Variants in GGH observed in about 807,000 individuals in gnomAD.
GGH encodes the protein gamma-glutamyl hydrolase, also known as gamma-Glu-X carboxypeptidase.
A neutral mutation model predicts 39.2 loss-of-function variants in GGH; 18 were observed. The observed-to-expected ratio is 0.46, with a 90% confidence interval of 0.32 to 0.68. The LOEUF (loss-of-function observed/expected upper bound fraction) is 0.68, where lower values mean the gene tolerates loss of function less well. Ranked by LOEUF, GGH falls within the 30% of genes least tolerant of loss-of-function variation. The probability of loss-of-function intolerance (pLI) is 0.04; values close to 1 mark genes in which losing one functional copy is unlikely to be tolerated. For missense variants in GGH, 367 were observed against 384.1 expected, an observed-to-expected ratio of 0.96 and a Z score of 0.37; for synonymous variants, 147 against 138.8, an observed-to-expected ratio of 1.06 and a Z score of -0.42.
intron 7 of GGH, 137 bp downstream of exon 7, chr8:63,023,770 T>G: frequency 1.9e-6 from 1 of 515,872 alleles, no homozygotes; most frequent in Non-Finnish European, 3.1e-6. Flanking sequence ...GGACAAAACA[T>G]GTCTCCTGTC....
intron 1 of GGH, among the ~76,000 whole-genome samples, chr8:63,037,725 C>T (rs1262157168): frequency 6.6e-6 from 1 of 152,112 alleles, no homozygotes. Flanking sequence ...CTTCTCTGGA[C>T]ACACAATATG....
At chr8:63,031,099 T>C (rs982683514) in intron 2 of GGH, among the ~76,000 whole-genome samples, 3 of 152,174 alleles carry the variant, frequency 2.0e-5, no homozygotes, top group Non-Finnish European at 4.4e-5. Context: ...CTAAAAGAAG[T>C]AGACTTATGA....
At chr8:63,035,853 A>G (rs1563671743) in intron 1 of GGH, 83 bp from the exon 2 acceptor site, 1 of 1,176,610 alleles carries the variant, frequency 8.5e-7, no homozygotes, top group Non-Finnish European at 1.2e-6. Flanking sequence ...CAAAAATATC[A>G]TATTTTATTA....
intron 2 of GGH, among the ~76,000 whole-genome samples, chr8:63,032,194 CA>C (rs1554603315): frequency 6.6e-6 from 1 of 151,924 alleles, no homozygotes; most frequent in Non-Finnish European, 1.5e-5. Context: ...CCACCACTCC[CA>C]GCTCATTTTT....
At chr8:63,032,274 G>C (rs867180241) in intron 2 of GGH, among the ~76,000 whole-genome samples, 7 of 152,182 alleles carry the variant, frequency 4.6e-5, no homozygotes, top group Non-Finnish European at 2.9e-5. Flanking sequence ...GAACTTAAGC[G>C]ATCTTCCCAC....
intron 7 of GGH, among the ~76,000 whole-genome samples, chr8:63,022,686 T>C (rs1350134645): frequency 6.6e-6 from 1 of 151,694 alleles, no homozygotes; most frequent in Non-Finnish European, 1.5e-5. Context: ...AGCTTTTTTT[T>C]TTTTTCTTTT....
At chr8:63,029,951 T>C (rs1804772865) in intron 3 of GGH, 2 of 372,926 alleles carry the variant, frequency 5.4e-6, no homozygotes, top group East Asian at 4.1e-5. Context: ...GTCTACTATG[T>C]AACAATTATA....
At chr8:63,028,832 T>C (rs899316247) in intron 3 of GGH, among the ~76,000 whole-genome samples, 1 of 152,186 alleles carries the variant, frequency 6.6e-6, no homozygotes, top group Admixed American at 6.5e-5. Flanking sequence ...TTGATTCAGA[T>C]TCCTCTCCAA....
chr8:63,016,974 A>C (rs1402354618), intron 8 of GGH, among the ~76,000 whole-genome samples: 1 of 152,174 alleles, frequency 6.6e-6, no homozygotes, highest in Non-Finnish European at 1.5e-5. Context: ...CACTGTTAGA[A>C]TTAAAGCATT....
intron 4 of GGH, chr8:63,026,860 C>T: frequency 3.7e-6 from 1 of 271,658 alleles, no homozygotes; most frequent in East Asian, 1.1e-4. Context: ...GAATTAATAA[C>T]ATAGAAACAA....
At chr8:63,033,579 T>C (rs1804844325) in intron 2 of GGH, among the ~76,000 whole-genome samples, 1 of 152,228 alleles carries the variant, frequency 6.6e-6, no homozygotes, top group Admixed American at 6.5e-5. Context: ...TAGCATTAGT[T>C]GTAATGTCTC....
rs117296547 is a variant in GGH, at chr8:63,019,671, C to T, written c.698-2041G>A. Among the ~76,000 whole-genome samples the T allele has an allele frequency of 2.0e-3, 311 of 152,324 alleles. 2 individuals carry two copies. Among genetic ancestry groups the T allele is most frequent in the Non-Finnish European group, 3.5e-3 (236 of 68,028 alleles). ...GAGAACCAAAGAACAGTAACGTTTGCTTTTTATGTGTTTTCAGAAAGTCAG... is the reference window on the plus strand; with the variant it reads ...GAGAACCAAAGAACAGTAACGTTTGTTTTTTATGTGTTTTCAGAAAGTCAG... On this transcript the variant is annotated intron_variant, in intron 7 of 8. Coordinates refer to ENST00000260118, the MANE Select transcript of GGH (RefSeq NM_003878.3).
At chr8:63,032,127 G>A (rs1027469718) in intron 2 of GGH, among the ~76,000 whole-genome samples, 12 of 152,100 alleles carry the variant, frequency 7.9e-5, no homozygotes, top group African/African-American at 2.9e-4. Context: ...TCCACCTCCT[G>A]GGCTCAAGTG....
chr8:63,020,012 T>C (rs1243941849), intron 7 of GGH, among the ~76,000 whole-genome samples: 3 of 152,252 alleles, frequency 2.0e-5, no homozygotes, highest in Non-Finnish European at 4.4e-5. Context: ...TGTCTTAAAC[T>C]TGATAGAGCT....
chr8:63,017,091 C>T (rs1319879481), intron 8 of GGH, among the ~76,000 whole-genome samples: 2 of 151,762 alleles, frequency 1.3e-5, no homozygotes, highest in African/African-American at 2.4e-5. Flanking sequence ...CTCAGGATGC[C>T]GAGGCAGGAG....
chr8:63,036,806 G>A (rs1172121315), intron 1 of GGH, among the ~76,000 whole-genome samples: 2 of 152,220 alleles, frequency 1.3e-5, no homozygotes, highest in African/African-American at 2.4e-5. Flanking sequence ...CCAGGTGAGT[G>A]AAAGCAGAAA....
intron 4 of GGH, among the ~76,000 whole-genome samples, chr8:63,026,615 G>A (rs1804687828): frequency 1.3e-5 from 2 of 152,312 alleles, no homozygotes; most frequent in Admixed American, 1.3e-4. Flanking sequence ...ATGTGTAAGG[G>A]GGATTGGTAA....
intron 2 of GGH, among the ~76,000 whole-genome samples, 199 bp downstream of exon 2, chr8:63,035,457 T>C (rs1804887512): frequency 6.6e-6 from 1 of 152,082 alleles, no homozygotes; most frequent in African/African-American, 2.4e-5. Context: ...AGGAGTGCAC[T>C]ACTGCACCCA....
rs746325389 is a variant in GGH, at chr8:63,023,217, T to C, written c.697+690A>G. On this transcript the variant is annotated intron_variant, in intron 7 of 8. Coordinates refer to ENST00000260118, the MANE Select transcript of GGH (RefSeq NM_003878.3). ...ACTTAAGATTTGTCCAACTTCCCAG[T>C]TAGTATAATGCTGGCCACACTAGGA... 3.9e-5 allele frequency among the ~76,000 whole-genome samples: 6 copies of C among 152,188 alleles called. No individual in the cohort carries two copies. The East Asian group carries it at 7.7e-4, about 20-fold the overall frequency.
Sources: gnomAD v4.1 joint callset for allele counts (sites outside exome capture counted in the v4.1 genomes callset) on GRCh38, gnomAD v4.1.1 for gene constraint, MANE v1.5 for transcripts, NCBI Gene and HGNC (gene_info 2026-07-23, HGNC 2026-07-21) for gene names.